Variants in PIEZO2 observed in about 807,000 individuals in gnomAD.
The protein encoded by PIEZO2 is piezo-type mechanosensitive ion channel component 2.
PIEZO2 carries 172 observed loss-of-function variants against 337.3 expected under a neutral mutation model. The ratio of observed to expected loss-of-function variants is 0.51; its 90% confidence interval spans 0.45 to 0.58. PIEZO2 has a LOEUF of 0.58. Ranked by LOEUF, PIEZO2 falls within the 20% of genes least tolerant of loss-of-function variation. PIEZO2 has a pLI of 0.00. For synonymous variants in PIEZO2, 1,251 were observed against 1,228.5 expected (o/e 1.02, Z -0.38); for missense variants, 3,028 against 3,391.3 (o/e 0.89, Z 2.66).
chr18:10,922,507 C>A (rs920436015), intron 3 of PIEZO2, among the ~76,000 whole-genome samples: 6 of 152,030 alleles, frequency 3.9e-5, no homozygotes, highest in African/African-American at 1.2e-4. Flanking sequence ...GGGTAGGAAC[C>A]AGGGGCTGAG....
chr18:11,025,692 C>T (rs1048115179), intron 2 of PIEZO2, among the ~76,000 whole-genome samples: 7 of 152,186 alleles, frequency 4.6e-5, no homozygotes, highest in Non-Finnish European at 7.3e-5. Context: ...CAATGAGTAA[C>T]GCCCTCAGGA....
At chr18:10,720,351 C>A (rs2036220374) in intron 36 of PIEZO2, among the ~76,000 whole-genome samples, 1 of 95,014 alleles carries the variant, frequency 1.1e-5, no homozygotes, top group Non-Finnish European at 2.2e-5. Context: ...ATATATATGT[C>A]CTATATATAT....
In PIEZO2 at chr18:11,127,283, T is replaced by A. The variant is rs1422268871; in HGVS notation, c.64+21242A>T. On this transcript the variant is annotated intron_variant, in intron 1 of 55. Transcript: ENST00000674853. This position sits in a 1 kb window ranked among gnomAD's most constrained non-coding sequence, Gnocchi z 4.5. ...AGAGCACACAGCCACTGCAAAGAAC[T>A]TAAAGCAAAAATAGTTGCATCTGAA... Among the ~76,000 whole-genome samples, 3 of 152,126 alleles carry A rather than the reference T, an allele frequency of 2.0e-5. No homozygotes were observed. Among genetic ancestry groups the A allele is most frequent in the Non-Finnish European group, 4.4e-5 (3 of 68,030 alleles).
Position 10,726,506 on chromosome 18 carries a change from C to T in PIEZO2, c.5029+4901G>A. On this transcript the variant is annotated intron_variant, in intron 36 of 55. Coordinates refer to ENST00000674853, the MANE Select transcript of PIEZO2 (RefSeq NM_001378183.1). The surrounding 1 kb of genome is among the most constrained non-coding windows in gnomAD (Gnocchi z 5.9). ...GCACAGCGTGCTGCTCCGCAAGCAG[C>T]CGTTCCTGTGGCGCGCTGCGCTGCT... The T allele has an allele frequency of 6.7e-7, 1 of 1,491,862 alleles. No individual in the cohort carries two copies. The highest frequency in any genetic ancestry group is 8.9e-7 in the Non-Finnish European group (1 of 1,125,838). 92.4% of individuals were successfully genotyped at this position (1,491,862 alleles called of 1,614,324 possible).
At chr18:10,706,108 T>A (rs1390354072) in intron 40 of PIEZO2, among the ~76,000 whole-genome samples, 1 of 152,156 alleles carries the variant, frequency 6.6e-6, no homozygotes, top group South Asian at 2.1e-4. Context: ...CTCTGTCTGC[T>A]TCAAGGAGGG....
Position 10,903,746 on chromosome 18 carries a change from G to A in PIEZO2, c.329+7440C>T, listed in dbSNP as rs997309077. ...TGACATGGTTTCCACTCCATACCCA[G>A]ATTTCATGTCTTATCAAGTGTGGCT... is the stretch of plus-strand genomic sequence containing the variant. On this transcript the variant is annotated intron_variant, in intron 4 of 55. Coordinates refer to ENST00000674853, the MANE Select transcript of PIEZO2 (RefSeq NM_001378183.1). This position sits in a 1 kb window ranked among gnomAD's most constrained non-coding sequence, Gnocchi z 4.1. Among the ~76,000 whole-genome samples the A allele has an allele frequency of 1.3e-5, 2 of 152,140 alleles. No individual in the cohort carries two copies. Among genetic ancestry groups the A allele is most frequent in the Non-Finnish European group, 2.9e-5 (2 of 68,026 alleles).
At position 10,749,464 on chromosome 18, in the gene PIEZO2, AT is replaced by A. The variant is rs1277153139; in HGVS notation, c.4264+626del. ...GGTAACAGAGACCCTGTCTTGAAAT[AT>A]TTTTTTAAAAATAGATAAATAAATA... On this transcript the variant is annotated intron_variant, in intron 29 of 55. Transcript: ENST00000674853. Among the ~76,000 whole-genome samples the A allele has an allele frequency of 4.7e-5, 7 of 148,610 alleles. No homozygotes were observed. The East Asian group carries it at 9.9e-4, about 21-fold the overall frequency.
chr18:10,797,737 G>A (rs1463239634), intron 11 of PIEZO2, among the ~76,000 whole-genome samples: 5 of 152,170 alleles, frequency 3.3e-5, no homozygotes, highest in African/African-American at 7.2e-5. Context: ...ATTGAGAAAG[G>A]AAAATTTCCA....
chr18:10,962,511 C>A lies in PIEZO2; in HGVS notation c.286+17024G>T, dbSNP rs1469917498. Among the ~76,000 whole-genome samples the A allele has an allele frequency of 6.6e-6, 1 of 152,176 alleles. No homozygotes were observed. Among genetic ancestry groups the A allele is most frequent in the African/African-American group, 2.4e-5 (1 of 41,440 alleles). ...AGTTCATGGCCAAGCTTCCTCCAGT[C>A]TCTGTAGGTGTGATGTTTCCCCATC... is the stretch of plus-strand genomic sequence containing the variant. On this transcript the variant is annotated intron_variant, in intron 3 of 55. Coordinates refer to ENST00000674853, the MANE Select transcript of PIEZO2 (RefSeq NM_001378183.1). The surrounding 1 kb of genome is among the most constrained non-coding windows in gnomAD (Gnocchi z 4.1).
intron 7 of PIEZO2, among the ~76,000 whole-genome samples, chr18:10,845,298 T>C (rs9676109): frequency 0.026 from 3,962 of 152,016 alleles, 183 homozygotes; most frequent in African/African-American, 0.089. Context: ...AATTAAATAA[T>C]ACTAATTTTT....
intron 18 of PIEZO2, among the ~76,000 whole-genome samples, chr18:10,778,364 G>A (rs914952027): frequency 4.1e-5 from 4 of 98,698 alleles, no homozygotes; most frequent in Non-Finnish European, 6.0e-5. Flanking sequence ...AGAGGGAGTC[G>A]CTCTGTCGCC....
At chr18:11,044,871 G>T (rs2145823087) in intron 2 of PIEZO2, among the ~76,000 whole-genome samples, 1 of 152,288 alleles carries the variant, frequency 6.6e-6, no homozygotes. Context: ...TGTATTGGCT[G>T]GGTGCAGTGG....
rs754098511 is a variant in PIEZO2, at chr18:10,813,502, T to C, written c.918-6228A>G. On this transcript the variant is annotated intron_variant, in intron 7 of 55. Coordinates refer to ENST00000674853, the MANE Select transcript of PIEZO2 (RefSeq NM_001378183.1). This position sits in a 1 kb window ranked among gnomAD's most constrained non-coding sequence, Gnocchi z 4.2. ...CCTTATTTAGTGGAACCATCCAATA[T>C]TTGTCTTTTGTGACTGTCTTATTTT... Among the ~76,000 whole-genome samples the C allele has an allele frequency of 6.6e-6, 1 of 152,202 alleles. No individual in the cohort carries two copies. The highest frequency in any genetic ancestry group is 1.5e-5 in the Non-Finnish European group (1 of 68,042).
At chr18:10,986,512 G>A (rs560592303) in intron 2 of PIEZO2, among the ~76,000 whole-genome samples, 1 of 151,984 alleles carries the variant, frequency 6.6e-6, no homozygotes, top group South Asian at 2.1e-4. Context: ...AAAGCATTTA[G>A]CAAAATTCAA....
intron 7 of PIEZO2, among the ~76,000 whole-genome samples, chr18:10,851,820 G>A (rs1487633515): frequency 6.6e-6 from 1 of 151,966 alleles, no homozygotes; most frequent in Admixed American, 6.6e-5. Flanking sequence ...GTGACAAAGA[G>A]CATATGGTTC....
At position 10,789,076 on chromosome 18, in the gene PIEZO2, T is replaced by C. The variant is rs370203463; in HGVS notation, c.2169+3A>G. ...GAATTAAAATGGTCAACTGTGTACC[T>C]ACCTGGTATAGGGCCACACAGAACA... On this transcript the variant is annotated splice_donor_region_variant and intron_variant, in intron 15 of 55. Coordinates refer to ENST00000674853, the MANE Select transcript of PIEZO2 (RefSeq NM_001378183.1). The C allele has an allele frequency of 2.0e-6, 3 of 1,535,384 alleles. No individual in the cohort carries two copies. In the African/African-American group the frequency reaches 4.1e-5, roughly 21 times the overall value.
intron 47 of PIEZO2, among the ~76,000 whole-genome samples, chr18:10,692,456 C>T (rs899579180): frequency 6.6e-6 from 1 of 151,160 alleles, no homozygotes; most frequent in African/African-American, 2.4e-5. Context: ...CTCCCTCCCT[C>T]CCTTTCTTCC....
Position 10,675,222 on chromosome 18 carries a change from C to T in PIEZO2, c.8148G>A (p.Lys2716=). The T allele has an allele frequency of 1.3e-6, 2 of 1,551,546 alleles. No individual in the cohort carries two copies. The highest frequency in any genetic ancestry group is 1.2e-5 in the South Asian group (1 of 83,712). The stretch of plus-strand genomic sequence containing the variant: ...TCTCATTCTTACCAGATAAAAGTTG[C>T]TTTATAGGTTTTGAGTTAGAATCAC... The part of the protein sequence containing the change: ...APSDSNSKPI[K]QLLSENNFMD... The change falls in exon 54 of 56, where the codon AAG becomes AAA. Residue 2716 remains lysine, a synonymous_variant. Coordinates refer to ENST00000674853, the MANE Select transcript of PIEZO2 (RefSeq NM_001378183.1).
intron 2 of PIEZO2, among the ~76,000 whole-genome samples, chr18:10,987,493 A>C (rs1568269317): frequency 6.6e-6 from 1 of 152,104 alleles, no homozygotes; most frequent in African/African-American, 2.4e-5. Flanking sequence ...GTATTGGGAA[A>C]ATTGGATTAC....
Sources: allele counts gnomAD v4.1 joint callset (sites outside exome capture counted in the v4.1 genomes callset), GRCh38; gene constraint gnomAD v4.1.1; non-coding constraint Gnocchi (gnomAD v3.1); transcripts MANE v1.5; gene names NCBI Gene and HGNC (gene_info 2026-07-23, HGNC 2026-07-21).